MPP1: variants seen among roughly 807,000 people sequenced by gnomAD.
MPP1 encodes the protein 55 kDa erythrocyte membrane protein.
A neutral mutation model predicts 38.2 loss-of-function variants in MPP1; 6 were observed. The ratio of observed to expected loss-of-function variants is 0.16; its 90% CI spans 0.09 to 0.31. MPP1 has a LOEUF of 0.31. MPP1 is among the 10% of genes least tolerant of loss of function. MPP1 has a pLI of 1.00. For synonymous variants in MPP1, 153 were observed against 146.3 expected, an observed-to-expected ratio of 1.05 and a Z score of -0.33; for missense variants, 293 against 368.9, an observed-to-expected ratio of 0.79 and a Z score of 1.69.
At chrX:154,804,672 C>A in intron 1 of MPP1, 1 of 339,671 alleles carries the variant, frequency 2.9e-6, no homozygotes. Flanking sequence ...GAGAGATTTG[C>A]CAGTAACAGA....
In MPP1 at chrX:154,783,453, G is replaced by A. The variant is rs782061318; in HGVS notation, c.920C>T (p.Pro307Leu). 26 of 1,210,183 alleles carry A rather than the reference G, an allele frequency of 2.1e-5. No individual in the cohort carries two copies. Among genetic ancestry groups the A allele is most frequent in the Non-Finnish European group, 2.6e-5 (23 of 894,770 alleles). The change falls in exon 9 of 12, where the codon CCG becomes CTG. Residue 307 changes from proline (P) to leucine (L), a missense_variant. Transcript: ENST00000369534. ...TGGGACAGGGTACACAAACTTCTCCGGATTCTGGCTGAGCAGGGCATTCTT... is the reference window on the plus strand; with the variant it reads ...TGGGACAGGGTACACAAACTTCTCCAGATTCTGGCTGAGCAGGGCATTCTT... ...HIKNALLSQNPEKFVYPVPYT... is the reference protein window; with the variant it reads ...HIKNALLSQNLEKFVYPVPYT...
At chrX:154,783,904 C>T in intron 8 of MPP1, 124 bp downstream of exon 8, 1 of 587,681 alleles carries the variant, frequency 1.7e-6, no homozygotes, top group Non-Finnish European at 2.8e-6. Flanking sequence ...CTTACACCTG[C>T]TCTATATGGA....
intron 1 of MPP1, among the ~76,000 whole-genome samples, chrX:154,793,680 T>C (rs1321919844): frequency 1.8e-5 from 2 of 112,119 alleles, no homozygotes; most frequent in Admixed American, 9.5e-5. Flanking sequence ...TAAAATTTAA[T>C]TTTTGAACCA....
At chrX:154,782,417 A>G (rs2072018921) in intron 9 of MPP1, 1 of 111,296 alleles carries the variant, frequency 9.0e-6, no homozygotes, top group Non-Finnish European at 1.9e-5. Context: ...CCCTCAATCT[A>G]CAACCACATG....
At position 154,779,119 on chromosome X, in the gene MPP1, C is replaced by T. The variant is rs781884730; in HGVS notation, c.*58G>A. ...CAGCCCTGTTTGTCTTAAAGCAAGG[C>T]GGGTGGAATTCCAAATGCTGGAGAG... is the stretch of plus-strand genomic sequence containing the variant. On this transcript the variant is annotated 3_prime_UTR_variant, in exon 12 of 12. Transcript: ENST00000369534. 23 of 1,109,769 alleles carry T rather than the reference C, an allele frequency of 2.1e-5. No homozygotes were observed. The highest frequency in any genetic ancestry group is 1.8e-4 in the East Asian group (6 of 33,120). 91.5% of individuals were successfully genotyped at this position (1,109,769 alleles called of 1,213,427 possible). A position where few individuals can be genotyped will look rare whatever the true frequency, so the allele number is the denominator to read the frequency against.
rs1233516040 is a variant in MPP1, at chrX:154,801,773, AAAAAAAAAAAAAAC to A, written c.102+3485_102+3498del. On this transcript the variant is annotated intron_variant, in intron 1 of 11. Coordinates refer to ENST00000369534, the MANE Select transcript of MPP1 (RefSeq NM_002436.4). ...AACTCTGTCTCAAAAAAAAAAAAAA[AAAAAAAAAAAAAAC>A]AAAAAACAGAAAAAAGTCATGAAGT... Among the ~76,000 whole-genome samples, 586 of 87,926 alleles carry A rather than the reference AAAAAAAAAAAAAAC, an allele frequency of 6.7e-3. 20 individuals carry two copies. The highest frequency in any genetic ancestry group is 0.026 in the African/African-American group (556 of 21,498). 76.4% of individuals were successfully genotyped at this position (87,926 alleles called of 115,157 possible).
intron 1 of MPP1, among the ~76,000 whole-genome samples, chrX:154,792,606 T>C (rs2072155009): frequency 9.0e-6 from 1 of 111,397 alleles, no homozygotes; most frequent in Middle Eastern, 4.6e-3. Context: ...TTGATTTACA[T>C]GGTGCTCTCC....
intron 5 of MPP1, among the ~76,000 whole-genome samples, chrX:154,788,293 A>C (rs2072102613): frequency 1.8e-5 from 2 of 112,317 alleles, no homozygotes; most frequent in Admixed American, 9.4e-5. Context: ...GCATATGACA[A>C]AGGACTCTTA....
chrX:154,780,847 C>G (rs987654222), intron 11 of MPP1, among the ~76,000 whole-genome samples: 1 of 109,957 alleles, frequency 9.1e-6, no homozygotes, highest in African/African-American at 3.3e-5. Context: ...TGATATATTC[C>G]TGGCCTCTCT....
At chrX:154,799,912 T>G in intron 1 of MPP1, 25 of 1,082,738 alleles carry the variant, frequency 2.3e-5, no homozygotes, top group Admixed American at 1.5e-4. Flanking sequence ...TAAAAAGAGA[T>G]GAAAAACAAA....
chrX:154,797,695 A>G (rs1287587226), intron 1 of MPP1, among the ~76,000 whole-genome samples: 5 of 112,544 alleles, frequency 4.4e-5, no homozygotes, highest in Non-Finnish European at 9.4e-5. Flanking sequence ...ACTTGTCAGG[A>G]TCTAGAGCTA....
intron 11 of MPP1, among the ~76,000 whole-genome samples, chrX:154,780,429 A>G (rs1286605378): frequency 8.9e-6 from 1 of 112,932 alleles, no homozygotes; most frequent in Non-Finnish European, 1.9e-5. Context: ...ATTGCTCTTC[A>G]TATGAAAAAG....
intron 3 of MPP1, 104 bp from the exon 4 acceptor site, chrX:154,791,172 G>T: frequency 1.5e-6 from 1 of 655,557 alleles, no homozygotes; most frequent in Non-Finnish European, 2.4e-6. Flanking sequence ...TTTACAGCAT[G>T]TTATGAAACA....
intron 1 of MPP1, among the ~76,000 whole-genome samples, chrX:154,794,460 T>TGGAGGA (rs202076695): frequency 9.0e-6 from 1 of 111,007 alleles, no homozygotes; most frequent in Non-Finnish European, 1.9e-5. Context: ...TATAGCCACC[T>TGGAGGA]GGAGGAGGAG....
In MPP1 at chrX:154,791,861, G is replaced by A; in HGVS notation, c.247-14C>T. On this transcript the variant is annotated splice_polypyrimidine_tract_variant and intron_variant, in intron 2 of 11. Transcript: ENST00000369534. ...CAGCGTGATTCCCTGAAATAAAGGCGACGGCACAATAAGCTTTATTTTAAG... is the reference window on the plus strand; with the variant it reads ...CAGCGTGATTCCCTGAAATAAAGGCAACGGCACAATAAGCTTTATTTTAAG... The A allele has an allele frequency of 5.9e-6, 7 of 1,182,667 alleles. No individual in the cohort carries two copies. The highest frequency in any genetic ancestry group is 4.7e-4 in the Middle Eastern group (2 of 4,277).
Position 154,779,110 on chromosome X carries a change from A to T in MPP1, c.*67T>A. On this transcript the variant is annotated 3_prime_UTR_variant, in exon 12 of 12. Coordinates refer to ENST00000369534, the MANE Select transcript of MPP1 (RefSeq NM_002436.4). Reference sequence around the variant, plus strand: ...TAGTTGGAGCAGCCCTGTTTGTCTTAAAGCAAGGCGGGTGGAATTCCAAAT... The same window carrying T: ...TAGTTGGAGCAGCCCTGTTTGTCTTTAAGCAAGGCGGGTGGAATTCCAAAT... The T allele has an allele frequency of 9.2e-7, 1 of 1,083,787 alleles. No homozygotes were observed. The highest frequency in any genetic ancestry group is 1.2e-6 in the Non-Finnish European group (1 of 800,594). The allele number at this position is 1,083,787 out of a possible 1,213,427, so 89.3% of individuals were successfully genotyped here. A position where few individuals can be genotyped will look rare whatever the true frequency, so the allele number is the denominator to read the frequency against.
chrX:154,794,640 G>A (rs1603430213), intron 1 of MPP1, among the ~76,000 whole-genome samples: 1 of 111,747 alleles, frequency 8.9e-6, no homozygotes, highest in African/African-American at 3.3e-5. Flanking sequence ...CACTGTGTGG[G>A]GAAGGAGAAG....
chrX:154,805,343 C>G lies in MPP1; in HGVS notation c.31G>C (p.Gly11Arg). Reference sequence around the variant, plus strand: ...GAGAGCGCCGTGTGCATGCTGCCCCCACTCTCGCCCTCGCTCGCCTTGAGG... The same window carrying G: ...GAGAGCGCCGTGTGCATGCTGCCCCGACTCTCGCCCTCGCTCGCCTTGAGG... Reference protein sequence around the residue: MTLKASEGESGGSMHTALSDL... With the variant: MTLKASEGESRGSMHTALSDL... Residue 11 changes from glycine to arginine, a missense_variant, in exon 1 of 12, where the codon GGG (glycine) becomes CGG (arginine). Coordinates refer to ENST00000369534, the MANE Select transcript of MPP1 (RefSeq NM_002436.4). 8.3e-7 allele frequency: 1 copy of G among 1,205,413 alleles called. No individual in the cohort carries two copies. Among genetic ancestry groups the G allele is most frequent in the Non-Finnish European group, 1.1e-6 (1 of 891,951 alleles).
chrX:154,783,909 T>C (rs782642647), intron 8 of MPP1, 119 bp downstream of exon 8: 35 of 622,615 alleles, frequency 5.6e-5, no homozygotes, highest in Non-Finnish European at 9.0e-5. Flanking sequence ...ACCTGCTCTA[T>C]ATGGAGAACC....
Sources: allele counts gnomAD v4.1 joint callset (sites outside exome capture counted in the v4.1 genomes callset), GRCh38; gene constraint gnomAD v4.1.1; transcripts MANE v1.5; gene names NCBI Gene and HGNC (gene_info 2026-07-23, HGNC 2026-07-21).